GLI3: variants seen among roughly 807,000 people sequenced by gnomAD.
The protein encoded by GLI3 is transcription activator GLI3.
Under a neutral mutation model 100.8 loss-of-function variants are expected in GLI3, and 20 were observed. The observed-to-expected ratio is 0.20, with a 90% CI of 0.14 to 0.29. The LOEUF is 0.29. GLI3 is among the 10% of genes least tolerant of loss of function. The pLI, the probability that GLI3 is intolerant of heterozygous loss-of-function variation, is 1.00. For synonymous variants in GLI3, 938 were observed against 860.5 expected, an observed-to-expected ratio of 1.09 and a Z score of -1.58; for missense variants, 2,040 against 2,128.5, an observed-to-expected ratio of 0.96 and a Z score of 0.82.
rs1225786056 is a variant in GLI3 at position 42,072,814 on chromosome 7, T to G, written c.473+3938A>C. ...CAGGTTCTTTCATTAATGCACAAAA[T>G]AATCTCAGTAATAAAGTAGACTCAC... is the stretch of plus-strand genomic sequence containing the variant. On this transcript the variant is annotated intron_variant, in intron 4 of 14. Coordinates refer to ENST00000395925, the MANE Select transcript of GLI3 (RefSeq NM_000168.6). 2.6e-5 allele frequency among the ~76,000 whole-genome samples: 4 copies of G among 152,264 alleles called. No homozygotes were observed. The East Asian group carries it at 7.7e-4, about 29-fold the overall frequency.
chr7:42,121,263 T>G (rs2128771415), intron 3 of GLI3, among the ~76,000 whole-genome samples: 1 of 152,348 alleles, frequency 6.6e-6, no homozygotes, highest in Non-Finnish European at 1.5e-5. Flanking sequence ...TAACACAGAT[T>G]GCTGGGTCCC....
At chr7:42,014,761 G>C (rs1019939822) in intron 10 of GLI3, among the ~76,000 whole-genome samples, 1 of 152,156 alleles carries the variant, frequency 6.6e-6, no homozygotes, top group African/African-American at 2.4e-5. Context: ...CAGCACCCTA[G>C]ATCGGACATG....
intron 3 of GLI3, among the ~76,000 whole-genome samples, chr7:42,086,217 C>T (rs1236146419): frequency 1.3e-5 from 2 of 152,112 alleles, no homozygotes; most frequent in Non-Finnish European, 1.5e-5. Flanking sequence ...CTTCCTGGGG[C>T]CTGACCCTGA....
intron 3 of GLI3, among the ~76,000 whole-genome samples, chr7:42,107,085 G>A (rs552442213): frequency 6.6e-6 from 1 of 152,244 alleles, no homozygotes; most frequent in Admixed American, 6.5e-5. Context: ...GGAGGCCGAG[G>A]CTGGCAAACT....
chr7:42,035,546 C>G (rs2128736451), intron 7 of GLI3, among the ~76,000 whole-genome samples: 1 of 152,304 alleles, frequency 6.6e-6, no homozygotes, highest in Admixed American at 6.5e-5. Flanking sequence ...TTCCTGGTCA[C>G]ACCAGAATTA....
intron 1 of GLI3, among the ~76,000 whole-genome samples, chr7:42,257,568 T>C (rs1352550186): frequency 1.3e-5 from 2 of 151,998 alleles, no homozygotes; most frequent in Non-Finnish European, 2.9e-5. Flanking sequence ...ATGGTCTCCA[T>C]CTCCTGACCT....
intron 3 of GLI3, among the ~76,000 whole-genome samples, chr7:42,110,562 G>A (rs930748864): frequency 2.0e-5 from 3 of 152,082 alleles, no homozygotes; most frequent in Non-Finnish European, 4.4e-5. Context: ...TAATAAACCC[G>A]GTAATTCAGA....
At chr7:42,095,080 G>T (rs1466983099) in intron 3 of GLI3, among the ~76,000 whole-genome samples, 1 of 152,196 alleles carries the variant, frequency 6.6e-6, no homozygotes. Flanking sequence ...CAGCCTGCTC[G>T]GGGGCAAGGG....
chr7:41,966,620 C>T lies in GLI3; in HGVS notation c.2453G>A (p.Cys818Tyr). 1 of 1,614,140 alleles carries T rather than the reference C, an allele frequency of 6.2e-7. No individual in the cohort carries two copies. The highest frequency in any genetic ancestry group is 8.5e-7 in the Non-Finnish European group (1 of 1,180,010). ...AAGCGTCATGGGCCCACCCAAGCTG[C>T]AGGTGTTGTTGGACTGTGTGCCTGG... ...IGNGTQSNNT[C>Y]SLGGPMTLLP... Residue 818 changes from cysteine to tyrosine, a missense_variant, in exon 15 of 15, where the codon TGC becomes TAC. Transcript: ENST00000395925. This position sits in a 1 kb window ranked among gnomAD's most constrained non-coding sequence, Gnocchi z 5.8.
At chr7:41,969,030 T>G (rs1787300711) in intron 13 of GLI3, among the ~76,000 whole-genome samples, 1 of 152,180 alleles carries the variant, frequency 6.6e-6, no homozygotes, top group African/African-American at 2.4e-5. Flanking sequence ...AAATTCAGGG[T>G]GCCCAATATC....
At chr7:42,195,983 T>C (rs1199947957) in intron 2 of GLI3, among the ~76,000 whole-genome samples, 1 of 152,230 alleles carries the variant, frequency 6.6e-6, no homozygotes, top group African/African-American at 2.4e-5. Flanking sequence ...CATGACTTTG[T>C]TGCCAAGTTG....
rs570849606 is a variant in GLI3 at position 42,253,756 on chromosome 7, C to A, written c.-43+10238G>T. ...TACACATGAAGTGCTTTTGACTTGTCCTCAGTACTCAATAAATGTGGGCCA... is the reference window on the plus strand; with the variant it reads ...TACACATGAAGTGCTTTTGACTTGTACTCAGTACTCAATAAATGTGGGCCA... On this transcript the variant is annotated intron_variant, in intron 1 of 2. Transcript: ENST00000678978. 2.5e-4 allele frequency among the ~76,000 whole-genome samples: 38 copies of A among 152,240 alleles called. No homozygotes were observed. In the East Asian group the frequency reaches 7.0e-3, roughly 28 times the overall value.
At chr7:42,237,356 G>C (rs1181433199), upstream of GLI3, among the ~76,000 whole-genome samples, 1 of 152,016 alleles carries the variant, frequency 6.6e-6, no homozygotes, top group African/African-American at 2.4e-5. Context: ...GGAGGGAGGG[G>C]AAAGAGAAAG....
chr7:42,246,364 A>C (rs1358929949), intron 1 of GLI3, among the ~76,000 whole-genome samples: 2 of 152,180 alleles, frequency 1.3e-5, no homozygotes, highest in Admixed American at 6.5e-5. Flanking sequence ...GGGTTTGGAC[A>C]CTGCTTTTCA....
intron 7 of GLI3, among the ~76,000 whole-genome samples, chr7:42,030,692 A>ATTTTTTTTTTTTTTTTTTTTTTTTTT: frequency 7.8e-6 from 1 of 128,148 alleles, no homozygotes; most frequent in Non-Finnish European, 1.6e-5. Flanking sequence ...ACTATTGTTG[A>ATTTTTTTTTTTTTTTTTTTTTTTTTT]TTTGTTTTTT....
intron 1 of GLI3, among the ~76,000 whole-genome samples, chr7:42,262,225 T>TTCCTTCCTTCCTTCATTCCTTCCTTCC (rs1789151410): frequency 8.4e-6 from 1 of 118,700 alleles, no homozygotes; most frequent in Non-Finnish European, 1.7e-5. Flanking sequence ...TCCTTCCTTC[T>TTCCTTCCTTCCTTCATTCCTTCCTTCC]TTCCTTCCTT....
In GLI3 at chr7:42,026,496, T is replaced by C. The variant is rs553318734; in HGVS notation, c.1029-84A>G. ...CACAAGATCTGCAGCTTTCTATCTA[T>C]AATTTTACCATCCCAAATCAAATTT... On this transcript the variant is annotated intron_variant, in intron 7 of 14. Transcript: ENST00000395925. 23 of 1,023,920 alleles carry C rather than the reference T, an allele frequency of 2.2e-5. No homozygotes were observed. The East Asian group carries it at 5.6e-4, about 25-fold the overall frequency. The allele number at this position is 1,023,920 out of a possible 1,614,324, so 63.4% of individuals were successfully genotyped here.
At chr7:42,142,440 C>G (rs1403895831) in intron 3 of GLI3, among the ~76,000 whole-genome samples, 2 of 152,150 alleles carry the variant, frequency 1.3e-5, no homozygotes, top group African/African-American at 4.8e-5. Flanking sequence ...TCTTCCTGAC[C>G]TGGGTGGTCT....
At chr7:42,138,672 C>G (rs910570888) in intron 3 of GLI3, among the ~76,000 whole-genome samples, 4 of 152,174 alleles carry the variant, frequency 2.6e-5, no homozygotes, top group African/African-American at 9.7e-5. Flanking sequence ...GCTTATTCCA[C>G]GAAAGCAAAC....
Sources: allele counts gnomAD v4.1 joint callset (sites outside exome capture counted in the v4.1 genomes callset), GRCh38; gene constraint gnomAD v4.1.1; non-coding constraint Gnocchi (gnomAD v3.1); transcripts MANE v1.5; gene names NCBI Gene and HGNC (gene_info 2026-07-23, HGNC 2026-07-21).